Variants in SLC36A1 observed in about 807,000 individuals in gnomAD.
The protein encoded by SLC36A1 is proton-coupled amino acid transporter 1.
SLC36A1 carries 30 observed loss-of-function variants against 47.5 expected under a neutral mutation model. That is an observed-to-expected ratio of 0.63 (90% CI 0.47 to 0.86). The LOEUF is 0.86. SLC36A1 is among the 40% of genes least tolerant of loss of function. SLC36A1 has a pLI of 0.00. For missense variants in SLC36A1, 517 were observed against 606.0 expected, an observed-to-expected ratio of 0.85 and a Z score of 1.54; for synonymous variants, 255 against 249.7, an observed-to-expected ratio of 1.02 and a Z score of -0.20.
the SLC36A1 span, among the ~76,000 whole-genome samples, chr5:151,349,425 C>G: frequency 6.6e-6 from 1 of 152,094 alleles, no homozygotes; most frequent in Non-Finnish European, 1.5e-5. Flanking sequence ...CCTTCCAACA[C>G]GAGTGGCCCA....
the SLC36A1 span, chr5:151,549,573 G>T: frequency 3.7e-6 from 5 of 1,353,292 alleles, no homozygotes; most frequent in Admixed American, 3.6e-5. Flanking sequence ...TTAGGGTAAG[G>T]TTAATGAACT....
At chr5:151,468,300 AT>A (rs1398688403) in intron 7 of SLC36A1, among the ~76,000 whole-genome samples, 4 of 74,610 alleles carry the variant, frequency 5.4e-5, no homozygotes, top group Non-Finnish European at 3.0e-5. Context: ...TATATTTTAT[AT>A]ATATATATTT....
chr5:151,450,601 G>C (rs189301169), intron 1 of SLC36A1, among the ~76,000 whole-genome samples: 80 of 152,344 alleles, frequency 5.3e-4, no homozygotes, highest in African/African-American at 1.9e-3. Context: ...ATGTAGAGTG[G>C]ATGGAGCTGA....
intron 8 of SLC36A1, among the ~76,000 whole-genome samples, chr5:151,474,950 C>T (rs1480151355): frequency 1.3e-5 from 2 of 152,272 alleles, no homozygotes; most frequent in East Asian, 1.9e-4. Context: ...TTGTCAAAAT[C>T]GTGAGAAATC....
At chr5:151,441,048 T>C (rs1752597555) in intron 1 of SLC36A1, among the ~76,000 whole-genome samples, 1 of 152,210 alleles carries the variant, frequency 6.6e-6, no homozygotes, top group Admixed American at 6.5e-5. Context: ...GCAGTAGGTG[T>C]AGAGTAGGAC....
chr5:151,545,510 A>T, the SLC36A1 span: 1 of 1,614,114 alleles, frequency 6.2e-7, no homozygotes. Context: ...ATCTGTTCTG[A>T]GAATCTGGGA....
the SLC36A1 span, among the ~76,000 whole-genome samples, chr5:151,520,122 T>C: frequency 6.6e-6 from 1 of 152,230 alleles, no homozygotes; most frequent in Non-Finnish European, 1.5e-5. Flanking sequence ...GAGTGGTCCC[T>C]GGACAAAGTC....
At chr5:151,362,270 G>A in the SLC36A1 span, among the ~76,000 whole-genome samples, 1 of 150,950 alleles carries the variant, frequency 6.6e-6, no homozygotes, top group Non-Finnish European at 1.5e-5. Flanking sequence ...CCCCCTCTGT[G>A]TGTTTTCAAA....
the SLC36A1 span, among the ~76,000 whole-genome samples, chr5:151,361,112 A>G: frequency 0.14 from 21,419 of 152,152 alleles, 4,219 homozygotes; most frequent in African/African-American, 0.44. Context: ...GGTTTTTTCT[A>G]TAACCACAAT....
rs961207352 is a variant in SLC36A1 at position 151,491,138 on chromosome 5, T to G, written c.*2884T>G. ...GGTTCTGTCCTCCAAATGCTGCTGT[T>G]GGGAGCGGGCTTCCAGCTCTCAGTG... On this transcript the variant is annotated 3_prime_UTR_variant, in exon 11 of 11. Transcript: ENST00000243389. 1 of 152,610 alleles carries G rather than the reference T, an allele frequency of 6.6e-6. No homozygotes were observed. The highest frequency in any genetic ancestry group is 2.4e-5 in the African/African-American group (1 of 41,430). The allele number at this position is 152,610 out of a possible 1,614,324, so 9.5% of individuals were successfully genotyped here.
rs376976206 is a variant in SLC36A1, at chr5:151,467,268, T to C, written c.489T>C (p.Ala163=). 2.9e-5 allele frequency: 47 copies of C among 1,601,134 alleles called. No individual in the cohort carries two copies. Among genetic ancestry groups the C allele is most frequent in the Middle Eastern group, 1.7e-4 (1 of 6,044 alleles). Residue 163 remains alanine (A), a synonymous_variant, in exon 6 of 11, where the codon GCT becomes GCC. Coordinates refer to ENST00000243389, the MANE Select transcript of SLC36A1 (RefSeq NM_078483.4). ...GCTGTGTCTATTTTGTGTTTCTGGCTGACAACTTTAAACAGGTAGGCACCT... is the reference window on the plus strand; with the variant it reads ...GCTGTGTCTATTTTGTGTTTCTGGCCGACAACTTTAAACAGGTAGGCACCT... ...GFCCVYFVFL[A]DNFKQVIEAA... is the part of the protein sequence containing the mutation.
the SLC36A1 span, among the ~76,000 whole-genome samples, chr5:151,418,949 G>C: frequency 6.6e-6 from 1 of 152,060 alleles, no homozygotes; most frequent in African/African-American, 2.4e-5. Flanking sequence ...GAATAATGGG[G>C]GCCATTTCCC....
the SLC36A1 span, chr5:151,551,014 G>A: frequency 3.9e-6 from 3 of 772,604 alleles, no homozygotes; most frequent in Non-Finnish European, 6.2e-6. Context: ...TTGAATGAAT[G>A]ACAGTATTTC....
chr5:151,460,611 G>GT (rs1755370679), intron 2 of SLC36A1, among the ~76,000 whole-genome samples: 1 of 152,050 alleles, frequency 6.6e-6, no homozygotes, highest in South Asian at 2.1e-4. Context: ...ACAAGATAAA[G>GT]TAATTTGCTG....
intron 10 of SLC36A1, among the ~76,000 whole-genome samples, chr5:151,481,037 C>G (rs555570119): frequency 6.6e-6 from 1 of 152,320 alleles, no homozygotes; most frequent in South Asian, 2.1e-4. Context: ...GGCTCAGCCT[C>G]CCTGTAGCAT....
chr5:151,349,027 T>C, the SLC36A1 span, among the ~76,000 whole-genome samples: 15 of 152,220 alleles, frequency 9.9e-5, no homozygotes, highest in Non-Finnish European at 2.2e-4. Context: ...GCAGTATTAC[T>C]GGTCTGTGAA....
the SLC36A1 span, among the ~76,000 whole-genome samples, chr5:151,363,587 A>G: frequency 1.3e-5 from 2 of 152,146 alleles, no homozygotes; most frequent in Admixed American, 1.3e-4. Context: ...CCCAGAGCTT[A>G]TCATTTTCTT....
chr5:151,404,738 T>C, the SLC36A1 span, among the ~76,000 whole-genome samples: 1 of 152,220 alleles, frequency 6.6e-6, no homozygotes, highest in Non-Finnish European at 1.5e-5. Flanking sequence ...AGGCCCCTAA[T>C]TACTTCTGGC....
chr5:151,468,266 A>AAAATATATATATAT, intron 7 of SLC36A1, among the ~76,000 whole-genome samples: 1 of 63,818 alleles, frequency 1.6e-5, no homozygotes, highest in Admixed American at 1.8e-4. Context: ...AAAAAAAAAA[A>AAAATATATATATAT]ATATATATAT....
Sources: allele counts gnomAD v4.1 joint callset (sites outside exome capture counted in the v4.1 genomes callset), GRCh38; gene constraint gnomAD v4.1.1; transcripts MANE v1.5; gene names NCBI Gene and HGNC (gene_info 2026-07-23, HGNC 2026-07-21).